Variants in SLC35F4 observed in about 807,000 individuals in gnomAD.
SLC35F4 encodes solute carrier family 35 member F4.
In SLC35F4, 24 loss-of-function variants were observed where a neutral mutation model predicts 44.2. The ratio of observed to expected loss-of-function variants is 0.54; its 90% CI spans 0.39 to 0.76. The LOEUF is 0.76. SLC35F4 is among the 30% of genes least tolerant of loss of function. The pLI is 0.00. For synonymous variants in SLC35F4, 238 were observed against 223.6 expected, an observed-to-expected ratio of 1.06 and a Z score of -0.57; for missense variants, 562 against 586.1, an observed-to-expected ratio of 0.96 and a Z score of 0.42.
intron 1 of SLC35F4, among the ~76,000 whole-genome samples, chr14:57,804,999 G>T (rs1476323031): frequency 6.6e-6 from 1 of 151,902 alleles, no homozygotes; most frequent in Non-Finnish European, 1.5e-5. Flanking sequence ...ACATACAGGT[G>T]GCCAACAAAC....
At chr14:57,964,983 A>T (rs1021136142) in intron 1 of SLC35F4, among the ~76,000 whole-genome samples, 30 of 132,778 alleles carry the variant, frequency 2.3e-4, no homozygotes, top group East Asian at 9.4e-4. Context: ...GGAAAAAAAA[A>T]AAAAAAAAAT....
intron 1 of SLC35F4, among the ~76,000 whole-genome samples, chr14:57,625,317 G>A (rs554452842): frequency 2.0e-5 from 3 of 152,096 alleles, no homozygotes; most frequent in Admixed American, 1.3e-4. Context: ...CAAACAGATG[G>A]AAAAACATTC....
At chr14:57,882,897 G>A (rs769938577) in intron 1 of SLC35F4, among the ~76,000 whole-genome samples, 8 of 152,082 alleles carry the variant, frequency 5.3e-5, no homozygotes, top group East Asian at 1.9e-4. Flanking sequence ...CCTTGACTTC[G>A]GGCTTGGCCC....
Position 57,947,700 on chromosome 14 carries a change from A to G in SLC35F4, n.282+34213T>C, listed in dbSNP as rs1181198259. Among the ~76,000 whole-genome samples, 4 of 152,064 alleles carry G rather than the reference A, an allele frequency of 2.6e-5. No individual in the cohort carries two copies. In the South Asian group the frequency reaches 6.2e-4, roughly 24 times the overall value. On this transcript the variant is annotated intron_variant and non_coding_transcript_variant, in intron 1 of 1. Transcript: ENST00000556568. Reference sequence around the variant, plus strand: ...CTTTTATTACCTTGATATATGTCCCATCTACACCAATTTTGCTGAGGGTTT... The same window carrying G: ...CTTTTATTACCTTGATATATGTCCCGTCTACACCAATTTTGCTGAGGGTTT...
chr14:57,798,656 G>A (rs1383812844), intron 1 of SLC35F4, among the ~76,000 whole-genome samples: 1 of 152,140 alleles, frequency 6.6e-6, no homozygotes, highest in South Asian at 2.1e-4. Context: ...TTTCTCCTAG[G>A]ATCCAGAGGC....
At chr14:57,848,215 A>C (rs897957515) in intron 1 of SLC35F4, among the ~76,000 whole-genome samples, 1 of 152,198 alleles carries the variant, frequency 6.6e-6, no homozygotes, top group African/African-American at 2.4e-5. Context: ...AGCCTGTTTA[A>C]GGAACATTAT....
intron 1 of SLC35F4, among the ~76,000 whole-genome samples, chr14:57,777,966 G>A (rs2077530416): frequency 6.6e-6 from 1 of 152,118 alleles, no homozygotes; most frequent in African/African-American, 2.4e-5. Flanking sequence ...GTTTGGCTGT[G>A]TCCCCACCCA....
chr14:57,819,888 T>C (rs1221813846), intron 1 of SLC35F4, among the ~76,000 whole-genome samples: 5 of 151,320 alleles, frequency 3.3e-5, no homozygotes, highest in Non-Finnish European at 7.4e-5. Flanking sequence ...AAATCTACAG[T>C]ACTTAGGACT....
intron 3 of SLC35F4, among the ~76,000 whole-genome samples, 195 bp from the exon 4 acceptor site, chr14:57,581,628 G>C (rs575450915): frequency 6.6e-6 from 1 of 152,254 alleles, no homozygotes; most frequent in African/African-American, 2.4e-5. Flanking sequence ...TAGCCCACAT[G>C]TGCCCAAGCA....
chr14:57,731,849 G>A (rs192406375), intron 1 of SLC35F4, among the ~76,000 whole-genome samples: 160 of 152,236 alleles, frequency 1.1e-3, no homozygotes, highest in Admixed American at 2.3e-3. Flanking sequence ...TCTGCTTGTG[G>A]CAAAAGCATA....
At chr14:57,571,810 A>G in intron 5 of SLC35F4, 84 bp downstream of exon 5, 1 of 1,481,300 alleles carries the variant, frequency 6.8e-7, no homozygotes, top group African/African-American at 1.4e-5. Flanking sequence ...TTTCTAATCA[A>G]TGATTACATC....
intron 3 of SLC35F4, among the ~76,000 whole-genome samples, chr14:57,588,122 G>A (rs549049418): frequency 2.6e-5 from 4 of 152,298 alleles, no homozygotes; most frequent in East Asian, 1.9e-4. Context: ...AGCTGAGATC[G>A]TGCCACTGCA....
At chr14:57,875,462 A>G (rs1888380193) in intron 1 of SLC35F4, among the ~76,000 whole-genome samples, 1 of 152,202 alleles carries the variant, frequency 6.6e-6, no homozygotes, top group Admixed American at 6.5e-5. Flanking sequence ...ACTATTAGTC[A>G]CTTGCATGGT....
At chr14:57,660,427 A>T (rs1594735781) in intron 1 of SLC35F4, among the ~76,000 whole-genome samples, 1 of 151,624 alleles carries the variant, frequency 6.6e-6, no homozygotes, top group East Asian at 2.0e-4. Flanking sequence ...ATGCTTCCTC[A>T]AATAATCCAT....
rs550555141 is a variant in SLC35F4, at chr14:57,921,028, A to T, written n.282+60885T>A. 3.9e-5 allele frequency among the ~76,000 whole-genome samples: 6 copies of T among 152,218 alleles called. No individual in the cohort carries two copies. The South Asian group carries it at 1.2e-3, about 31-fold the overall frequency. On this transcript the variant is annotated intron_variant and non_coding_transcript_variant, in intron 1 of 1. Coordinates refer to the SLC35F4 transcript ENST00000556568. ...TGATTTCATGTTAATGTGTTCTCCTATTATTTTAGACACTCACCATCTTCA... is the reference window on the plus strand; with the variant it reads ...TGATTTCATGTTAATGTGTTCTCCTTTTATTTTAGACACTCACCATCTTCA...
intron 1 of SLC35F4, among the ~76,000 whole-genome samples, chr14:57,637,681 T>C (rs1226618254): frequency 6.6e-6 from 1 of 152,142 alleles, no homozygotes; most frequent in African/African-American, 2.4e-5. Context: ...ATTTTACATA[T>C]TCTAAATTAC....
intron 1 of SLC35F4, among the ~76,000 whole-genome samples, chr14:57,965,640 G>A (rs1890425501): frequency 6.6e-6 from 1 of 152,136 alleles, no homozygotes. Context: ...CATAAAATGA[G>A]CTCCTGAGGC....
chr14:57,866,209 A>C, upstream of SLC35F4: 1 of 154,608 alleles, frequency 6.5e-6, no homozygotes, highest in Non-Finnish European at 1.4e-5. Context: ...AGACACCCCA[A>C]CCCCACCTGA....
At chr14:57,856,136 AGCTGGGATTACAG>A (rs1340879297) in intron 1 of SLC35F4, among the ~76,000 whole-genome samples, 1 of 151,870 alleles carries the variant, frequency 6.6e-6, no homozygotes, top group Non-Finnish European at 1.5e-5. Flanking sequence ...CCTCCCGAGT[AGCTGGGATTACAG>A]GCATGCACCA....
Sources: gnomAD v4.1 joint callset for allele counts (sites outside exome capture counted in the v4.1 genomes callset) on GRCh38, gnomAD v4.1.1 for gene constraint, MANE v1.5 for transcripts, NCBI Gene and HGNC (gene_info 2026-07-23, HGNC 2026-07-21) for gene names.